Variants in CPQ observed in about 807,000 individuals in gnomAD.
CPQ encodes the protein Ser-Met dipeptidase.
A neutral mutation model predicts 45.7 loss-of-function variants in CPQ; 37 were observed. The observed-to-expected ratio is 0.81, with a 90% CI of 0.62 to 1.07. CPQ has a LOEUF of 1.07. Ranked by LOEUF, CPQ falls within the 50% of genes least tolerant of loss-of-function variation. The probability of loss-of-function intolerance (pLI) is 0.00; values close to 1 mark genes in which losing one functional copy is unlikely to be tolerated. For missense variants in CPQ, 537 were observed against 572.9 expected, an observed-to-expected ratio of 0.94 and a Z score of 0.64; for synonymous variants, 186 against 205.8, an observed-to-expected ratio of 0.90 and a Z score of 0.82.
chr8:96,914,182 G>GT (rs973071241), intron 4 of CPQ, among the ~76,000 whole-genome samples: 2 of 152,110 alleles, frequency 1.3e-5, no homozygotes, highest in Non-Finnish European at 2.9e-5. Context: ...TGAAGTTTTT[G>GT]TTTGTGTTTT....
At chr8:96,749,199 C>T (rs755303842) in intron 1 of CPQ, among the ~76,000 whole-genome samples, 14 of 152,040 alleles carry the variant, frequency 9.2e-5, no homozygotes, top group Non-Finnish European at 1.8e-4. Flanking sequence ...CCTTAAGAAC[C>T]TTATCCGTCT....
chr8:96,916,795 C>A (rs547092875), intron 4 of CPQ, among the ~76,000 whole-genome samples: 176 of 151,998 alleles, frequency 1.2e-3, no homozygotes, highest in African/African-American at 4.0e-3. Context: ...TTTTTGATGG[C>A]CTTTACAGTT....
chr8:96,894,343 A>G (rs1366916231), intron 4 of CPQ, among the ~76,000 whole-genome samples: 1 of 152,336 alleles, frequency 6.6e-6, no homozygotes, highest in Non-Finnish European at 1.5e-5. Flanking sequence ...ACAGCAATTA[A>G]AGGGCACAAG....
intron 4 of CPQ, among the ~76,000 whole-genome samples, chr8:96,943,964 T>C: frequency 6.6e-6 from 1 of 152,138 alleles, no homozygotes; most frequent in East Asian, 1.9e-4. Context: ...TTGGAAGCCC[T>C]AGTTTAACCC....
At chr8:97,069,467 C>T in intron 7 of CPQ, among the ~76,000 whole-genome samples, 1 of 141,508 alleles carries the variant, frequency 7.1e-6, no homozygotes, top group Non-Finnish European at 1.5e-5. Flanking sequence ...CCCCATCTGT[C>T]TCTAAAAAAA....
rs1211138745 is a variant in CPQ at position 96,823,520 on chromosome 8, A to G, written c.434-11453A>G. 2.0e-5 allele frequency among the ~76,000 whole-genome samples: 3 copies of G among 151,988 alleles called. No homozygotes were observed. In the East Asian group the frequency reaches 5.8e-4, roughly 29 times the overall value. Reference sequence around the variant, plus strand: ...CCTCTCCAGCAACTACACAAATCCTATGATGGATATTTTTTCTGATAATAT... The same window carrying G: ...CCTCTCCAGCAACTACACAAATCCTGTGATGGATATTTTTTCTGATAATAT... On this transcript the variant is annotated intron_variant, in intron 2 of 7. Transcript: ENST00000220763.
chr8:97,141,603 T>C (rs1812165537), intron 7 of CPQ, among the ~76,000 whole-genome samples: 1 of 152,114 alleles, frequency 6.6e-6, no homozygotes, highest in Non-Finnish European at 1.5e-5. Context: ...AAGGAAAACA[T>C]TTTGGAATTG....
chr8:96,724,892 C>G (rs1270408082), intron 1 of CPQ, among the ~76,000 whole-genome samples: 1 of 152,118 alleles, frequency 6.6e-6, no homozygotes, highest in Non-Finnish European at 1.5e-5. Flanking sequence ...GACACATACA[C>G]CAATGAAACA....
At chr8:96,726,457 A>G (rs1809840427) in intron 1 of CPQ, among the ~76,000 whole-genome samples, 2 of 152,136 alleles carry the variant, frequency 1.3e-5, no homozygotes, top group African/African-American at 4.8e-5. Flanking sequence ...TGATGCTAAT[A>G]TCTGCTTGGC....
chr8:96,743,320 G>T (rs1036178194), intron 1 of CPQ, among the ~76,000 whole-genome samples: 10 of 151,206 alleles, frequency 6.6e-5, no homozygotes, highest in African/African-American at 2.4e-4. Flanking sequence ...TTGGTTTTCA[G>T]CTCCATCAGC....
Position 96,965,957 on chromosome 8 carries a change from T to C in CPQ, c.872T>C (p.Leu291Pro), listed in dbSNP as rs776615825. The C allele has an allele frequency of 8.1e-6, 13 of 1,613,526 alleles. No homozygotes were observed. The South Asian group carries it at 1.2e-4, about 15-fold the overall frequency. ...PEQVVLVSGH[L>P]DSWDVGQGAM... ...TAGGTTGTACTGGTCAGTGGACATC[T>C]GGACAGCTGGGATGTTGGGCAGGGT... The change falls in exon 5 of 8, where the codon CTG (leucine) becomes CCG (proline). Residue 291 changes from leucine to proline, a missense_variant. Leu to Pro is a moderately conservative substitution (Grantham distance 98, BLOSUM62 -3). Transcript: ENST00000220763.
chr8:96,758,332 A>T (rs987218917), intron 1 of CPQ, among the ~76,000 whole-genome samples: 1 of 152,186 alleles, frequency 6.6e-6, no homozygotes, highest in Non-Finnish European at 1.5e-5. Context: ...TGTAAACTCT[A>T]TGGGTAATCA....
At chr8:96,964,183 C>T (rs1813515208) in intron 4 of CPQ, among the ~76,000 whole-genome samples, 1 of 126,000 alleles carries the variant, frequency 7.9e-6, no homozygotes, top group Admixed American at 7.8e-5. Flanking sequence ...TACACACACA[C>T]ACACACACAC....
chr8:96,724,132 C>T (rs1809801200), intron 1 of CPQ, among the ~76,000 whole-genome samples: 1 of 151,798 alleles, frequency 6.6e-6, no homozygotes, highest in African/African-American at 2.4e-5. Flanking sequence ...CATCTGTATG[C>T]ATTCTCTCTC....
intron 5 of CPQ, among the ~76,000 whole-genome samples, chr8:96,984,045 A>C (rs1191461553): frequency 6.6e-6 from 1 of 151,822 alleles, no homozygotes; most frequent in African/African-American, 2.4e-5. Flanking sequence ...TATTGGATTC[A>C]GTGGTTTTTC....
intron 1 of CPQ, among the ~76,000 whole-genome samples, chr8:96,712,802 G>A (rs560281931): frequency 1.1e-4 from 16 of 152,116 alleles, no homozygotes; most frequent in South Asian, 4.1e-4. Context: ...CATTTTTCCC[G>A]TTGTCTTGAT....
intron 4 of CPQ, among the ~76,000 whole-genome samples, chr8:96,928,288 G>A (rs1398240892): frequency 6.6e-6 from 1 of 151,602 alleles, no homozygotes; most frequent in Non-Finnish European, 1.5e-5. Flanking sequence ...AAATTAAATG[G>A]AGTTAACATT....
chr8:97,037,521 TTTTTC>T (rs772893505), intron 6 of CPQ, among the ~76,000 whole-genome samples: 42 of 152,298 alleles, frequency 2.8e-4, no homozygotes, highest in Admixed American at 1.0e-3. Context: ...GCATCCTGTA[TTTTTC>T]TTTCAGTGCC....
intron 4 of CPQ, among the ~76,000 whole-genome samples, chr8:96,955,403 G>T (rs970473210): frequency 3.9e-5 from 6 of 152,248 alleles, no homozygotes; most frequent in Non-Finnish European, 5.9e-5. Context: ...CTTCCTTTGA[G>T]AAGTGTCTGT....
Sources: gnomAD v4.1 joint callset for allele counts (sites outside exome capture counted in the v4.1 genomes callset) on GRCh38, gnomAD v4.1.1 for gene constraint, MANE v1.5 for transcripts, NCBI Gene and HGNC (gene_info 2026-07-23, HGNC 2026-07-21) for gene names.